FOXP1: variants seen among roughly 807,000 people sequenced by gnomAD.
The protein encoded by FOXP1 is forkhead box protein P1.
A neutral mutation model predicts 98.2 loss-of-function variants in FOXP1; 15 were observed. The observed-to-expected ratio is 0.15, with a 90% CI of 0.10 to 0.24. FOXP1 has a LOEUF of 0.24. FOXP1 is among the 10% of genes least tolerant of loss of function. The pLI is 1.00. For synonymous variants in FOXP1, 371 were observed against 314.5 expected, an observed-to-expected ratio of 1.18 and a Z score of -1.90; for missense variants, 633 against 848.5, an observed-to-expected ratio of 0.75 and a Z score of 3.15.
At chr3:71,563,314 C>T (rs2046676276) in intron 2 of FOXP1, among the ~76,000 whole-genome samples, 3 of 152,050 alleles carry the variant, frequency 2.0e-5, no homozygotes, top group African/African-American at 7.2e-5. Flanking sequence ...CTGAGTTTAA[C>T]AAAAAAGGGC....
intron 5 of FOXP1, among the ~76,000 whole-genome samples, chr3:71,295,726 G>T (rs1379767905): frequency 6.6e-6 from 1 of 152,186 alleles, no homozygotes; most frequent in Non-Finnish European, 1.5e-5. Context: ...AATTGGATTT[G>T]AATTTTAAGC....
intron 11 of FOXP1, among the ~76,000 whole-genome samples, chr3:71,016,414 C>T (rs892251577): frequency 1.9e-4 from 29 of 152,218 alleles, no homozygotes; most frequent in Admixed American, 1.7e-3. Context: ...TTGCACTCAC[C>T]GATGAACCAT....
rs571986496 is a variant in FOXP1, at chr3:71,213,631, TATG to T, written c.-11-15242_-11-15240del. Among the ~76,000 whole-genome samples, 591 of 151,950 alleles carry T rather than the reference TATG, an allele frequency of 3.9e-3. 3 individuals carry two copies. The highest frequency in any genetic ancestry group is 0.02 in the Middle Eastern group (6 of 294). The stretch of plus-strand genomic sequence containing the variant: ...AGAAGTTCGAGACCAGCCTGGCCAA[TATG>T]GTGAAATCCTGTCTTTACTAAAAAT... On this transcript the variant is annotated intron_variant, in intron 5 of 20. Coordinates refer to ENST00000649528, the MANE Select transcript of FOXP1 (RefSeq NM_001349338.3).
At chr3:71,490,365 G>C (rs143729985) in intron 3 of FOXP1, among the ~76,000 whole-genome samples, 1 of 152,114 alleles carries the variant, frequency 6.6e-6, no homozygotes, top group African/African-American at 2.4e-5. Context: ...GGGTGTGGTG[G>C]TGGGCACCTG....
chr3:71,253,754 A>C (rs1375825993), intron 5 of FOXP1, among the ~76,000 whole-genome samples: 1 of 152,200 alleles, frequency 6.6e-6, no homozygotes, highest in Non-Finnish European at 1.5e-5. Flanking sequence ...AGAAAGCTTC[A>C]ATGGACATAT....
At chr3:70,977,339 A>C (rs1442534350) in intron 16 of FOXP1, among the ~76,000 whole-genome samples, 1 of 152,226 alleles carries the variant, frequency 6.6e-6, no homozygotes, top group African/African-American at 2.4e-5. Context: ...ATTAAAGCTC[A>C]GTAATTATTT....
At chr3:71,199,387 C>T (rs914012285) in intron 5 of FOXP1, among the ~76,000 whole-genome samples, 3 of 151,780 alleles carry the variant, frequency 2.0e-5, no homozygotes, top group Admixed American at 6.6e-5. Context: ...TTACAGGCCT[C>T]GTGAGCCATG....
Position 71,044,672 on chromosome 3 carries a change from C to A in FOXP1, c.664+2270G>T, listed in dbSNP as rs575827540. On this transcript the variant is annotated intron_variant, in intron 10 of 20. Transcript: ENST00000649528. ...AAGTGGGCATTACCAGTATTTTTAACAGATAACCCCCAAGTCTTGCAACAT... is the reference window on the plus strand; with the variant it reads ...AAGTGGGCATTACCAGTATTTTTAAAAGATAACCCCCAAGTCTTGCAACAT... Among the ~76,000 whole-genome samples, 3 of 152,282 alleles carry A rather than the reference C, an allele frequency of 2.0e-5. No individual in the cohort carries two copies. The East Asian group carries it at 5.8e-4, about 29-fold the overall frequency.
In FOXP1 at chr3:71,015,543, T is replaced by C. The variant is rs200114636; in HGVS notation, c.974+6A>G. 6.3e-7 allele frequency: 1 copy of C among 1,588,058 alleles called. No individual in the cohort carries two copies. On this transcript the variant is annotated splice_donor_region_variant and intron_variant, in intron 12 of 20. Coordinates refer to ENST00000649528, the MANE Select transcript of FOXP1 (RefSeq NM_001349338.3). ...AAAGAAGAAAACAAAATAAAATCAT[T>C]CTTACTTTAGAAATGATTGGAAATC...
At position 71,208,536 on chromosome 3, in the gene FOXP1, T is replaced by TTGTGTGTGTGTG. The variant is rs1553780525; in HGVS notation, c.-11-10156_-11-10145dup. Among the ~76,000 whole-genome samples the TTGTGTGTGTGTG allele has an allele frequency of 2.8e-3, 413 of 149,450 alleles. 2 individuals are homozygous for TTGTGTGTGTGTG. The highest frequency in any genetic ancestry group is 8.9e-3 in the African/African-American group (361 of 40,362). On this transcript the variant is annotated intron_variant, in intron 5 of 20. Transcript: ENST00000649528. ...TTTATCAAAATTCTAGCATTTAAGT[T>TTGTGTGTGTGTG]TGTGTGTGTGTGTGTGTGTGTGTGT... is the stretch of plus-strand genomic sequence containing the variant.
intron 7 of FOXP1, among the ~76,000 whole-genome samples, chr3:71,054,381 T>A (rs559144625): frequency 6.6e-6 from 1 of 152,228 alleles, no homozygotes; most frequent in Non-Finnish European, 1.5e-5. Flanking sequence ...AAACCCGCTT[T>A]CCATGACATT....
chr3:71,248,483 C>A (rs572308054), intron 5 of FOXP1, among the ~76,000 whole-genome samples: 1 of 152,290 alleles, frequency 6.6e-6, no homozygotes, highest in South Asian at 2.1e-4. Flanking sequence ...TGGCTCACGC[C>A]TGTAATCCCA....
chr3:71,521,487 A>G (rs2042982149), intron 2 of FOXP1, among the ~76,000 whole-genome samples: 1 of 145,114 alleles, frequency 6.9e-6, no homozygotes, highest in African/African-American at 2.6e-5. Context: ...AGATCACACC[A>G]CTGCACTCCA....
chr3:71,018,989 C>T (rs975924003), intron 11 of FOXP1, among the ~76,000 whole-genome samples: 3 of 152,188 alleles, frequency 2.0e-5, no homozygotes, highest in Non-Finnish European at 2.9e-5. Context: ...ACCACACACC[C>T]GCTGCATGTG....
At chr3:71,521,140 T>C (rs1044616681) in intron 2 of FOXP1, among the ~76,000 whole-genome samples, 50 of 151,848 alleles carry the variant, frequency 3.3e-4, no homozygotes, top group African/African-American at 1.2e-3. Flanking sequence ...AGGGACATGA[T>C]AGCAGCAAGG....
At chr3:71,014,638 C>T (rs903975161) in intron 12 of FOXP1, among the ~76,000 whole-genome samples, 1 of 152,210 alleles carries the variant, frequency 6.6e-6, no homozygotes, top group African/African-American at 2.4e-5. Flanking sequence ...CATCCCATTA[C>T]TGGGTATATA....
At chr3:71,576,380 A>G (rs2047719291) in intron 2 of FOXP1, among the ~76,000 whole-genome samples, 1 of 152,224 alleles carries the variant, frequency 6.6e-6, no homozygotes. Context: ...AGGAAAGTGC[A>G]ATTAGCTTTG....
chr3:71,516,560 T>C (rs939126194), intron 2 of FOXP1, among the ~76,000 whole-genome samples: 3 of 152,180 alleles, frequency 2.0e-5, no homozygotes, highest in Non-Finnish European at 4.4e-5. Context: ...CTCATTCTGC[T>C]GTAGGCCGGG....
intron 4 of FOXP1, among the ~76,000 whole-genome samples, chr3:71,323,606 T>C (rs113409033): frequency 7.9e-5 from 12 of 152,176 alleles, no homozygotes; most frequent in Non-Finnish European, 1.6e-4. Flanking sequence ...TTTAGATGCA[T>C]TGCCTGCTGC....
Sources: allele counts gnomAD v4.1 joint callset (sites outside exome capture counted in the v4.1 genomes callset), GRCh38; gene constraint gnomAD v4.1.1; transcripts MANE v1.5; gene names NCBI Gene and HGNC (gene_info 2026-07-23, HGNC 2026-07-21).